The following CCDC171 variants were observed in gnomAD, a reference collection of about 807,000 sequenced individuals.
The protein encoded by CCDC171 is coiled-coil domain-containing protein 171.
A neutral mutation model predicts 168.2 loss-of-function variants in CCDC171; 177 were observed. The observed-to-expected ratio is 1.05, with a 90% confidence interval of 0.93 to 1.19. The LOEUF is 1.19. Among genes scored for constraint, CCDC171 ranks in the 50% most tolerant of loss-of-function variants. The pLI, the probability that CCDC171 is intolerant of heterozygous loss-of-function variation, is 0.00. For synonymous variants in CCDC171, 687 were observed against 540.8 expected (o/e 1.27, Z -3.75); for missense variants, 1,991 against 1,539.0 (o/e 1.29, Z -4.91).
chr9:15,883,774 A>G (rs1819024393), intron 24 of CCDC171, among the ~76,000 whole-genome samples: 1 of 152,248 alleles, frequency 6.6e-6, no homozygotes, highest in South Asian at 2.1e-4. Flanking sequence ...AACTGAGATT[A>G]AGGAAAATCT....
intron 18 of CCDC171, among the ~76,000 whole-genome samples, chr9:15,752,959 G>C (rs2055856067): frequency 1.3e-5 from 2 of 151,896 alleles, no homozygotes; most frequent in South Asian, 4.1e-4. Context: ...AAGTAGATTG[G>C]TTTCTTAAGC....
At chr9:15,943,396 T>C (rs1378251874) in intron 25 of CCDC171, among the ~76,000 whole-genome samples, 1 of 152,050 alleles carries the variant, frequency 6.6e-6, no homozygotes, top group African/African-American at 2.4e-5. Flanking sequence ...CTTTTATTTC[T>C]GCAAATGGTG....
At chr9:15,806,076 C>A (rs2059061730) in intron 21 of CCDC171, among the ~76,000 whole-genome samples, 1 of 152,018 alleles carries the variant, frequency 6.6e-6, no homozygotes, top group African/African-American at 2.4e-5. Context: ...TTCTGTTTTG[C>A]ATTTGCTTGG....
intron 7 of CCDC171, among the ~76,000 whole-genome samples, chr9:15,654,328 C>T (rs1386068655): frequency 1.3e-5 from 2 of 152,006 alleles, no homozygotes; most frequent in East Asian, 3.9e-4. Flanking sequence ...TTCATGTTTG[C>T]AAAACACAGA....
At chr9:15,942,464 A>G (rs1827841127) in intron 25 of CCDC171, among the ~76,000 whole-genome samples, 1 of 151,732 alleles carries the variant, frequency 6.6e-6, no homozygotes, top group Admixed American at 6.6e-5. Flanking sequence ...GGAGAAAGGA[A>G]AGGAGAGAAA....
At chr9:15,709,509 A>T (rs1419872281) in intron 11 of CCDC171, among the ~76,000 whole-genome samples, 2 of 152,194 alleles carry the variant, frequency 1.3e-5, no homozygotes, top group South Asian at 2.1e-4. Context: ...CGTCTTTCTA[A>T]GGCAAAAACT....
chr9:15,945,107 C>T (rs1212568830), intron 25 of CCDC171, among the ~76,000 whole-genome samples: 4 of 150,468 alleles, frequency 2.7e-5, no homozygotes, highest in East Asian at 2.0e-4. Context: ...TCAATTCCCA[C>T]CTATGAGTGA....
At chr9:15,728,090 C>G in intron 15 of CCDC171, 54 bp downstream of exon 15, 2 of 1,381,342 alleles carry the variant, frequency 1.4e-6, no homozygotes, top group Non-Finnish European at 2.0e-6. Context: ...CATTTGTCCA[C>G]ATCACAGTAT....
chr9:15,598,786 G>C lies in CCDC171; in HGVS notation c.675+4614G>C, dbSNP rs1432304800. On this transcript the variant is annotated intron_variant, in intron 6 of 25. Coordinates refer to ENST00000380701, the MANE Select transcript of CCDC171 (RefSeq NM_173550.4). Reference sequence around the variant, plus strand: ...CCATTATTATTGTGTGGGAGTCTAAGTCCTTTTGTAGGTCTCTAAGGACTT... The same window carrying C: ...CCATTATTATTGTGTGGGAGTCTAACTCCTTTTGTAGGTCTCTAAGGACTT... Among the ~76,000 whole-genome samples, 6 of 152,150 alleles carry C rather than the reference G, an allele frequency of 3.9e-5. No homozygotes were observed. The South Asian group carries it at 8.3e-4, about 21-fold the overall frequency.
chr9:15,671,097 C>T (rs578125252), intron 9 of CCDC171, among the ~76,000 whole-genome samples: 2 of 152,052 alleles, frequency 1.3e-5, no homozygotes, highest in Admixed American at 1.3e-4. Context: ...GTCTAAAAAC[C>T]AAAACAAAAC....
chr9:15,739,534 T>G (rs921957461), intron 16 of CCDC171, among the ~76,000 whole-genome samples: 3 of 152,208 alleles, frequency 2.0e-5, no homozygotes, highest in Non-Finnish European at 2.9e-5. Context: ...TCAGTAAAAC[T>G]GTGCCAACCT....
intron 6 of CCDC171, among the ~76,000 whole-genome samples, chr9:15,610,310 A>G (rs1051453142): frequency 2.7e-5 from 4 of 150,786 alleles, no homozygotes; most frequent in Non-Finnish European, 5.9e-5. Context: ...ACTGCAGCTT[A>G]AACCTCCTGG....
chr9:15,784,379 CT>C (rs1482438797), intron 20 of CCDC171, 129 bp from the exon 21 acceptor site: 14 of 501,176 alleles, frequency 2.8e-5, no homozygotes, highest in Non-Finnish European at 4.7e-5. Flanking sequence ...TTAAGAAAAG[CT>C]AATTGTATTT....
intron 18 of CCDC171, among the ~76,000 whole-genome samples, chr9:15,776,977 A>G (rs935887525): frequency 6.6e-6 from 1 of 152,238 alleles, no homozygotes; most frequent in Non-Finnish European, 1.5e-5. Flanking sequence ...TGGCTTTATT[A>G]AGGCGTAAAT....
chr9:15,636,776 T>G (rs2046232565), intron 7 of CCDC171, among the ~76,000 whole-genome samples: 1 of 146,900 alleles, frequency 6.8e-6, no homozygotes, highest in South Asian at 2.1e-4. Flanking sequence ...AAAAAAGGTT[T>G]AGGATAGAGT....
At chr9:16,007,131 C>G (rs1415155533) in intron 3 of CCDC171, among the ~76,000 whole-genome samples, 10 of 152,266 alleles carry the variant, frequency 6.6e-5, no homozygotes, top group South Asian at 2.1e-4. Flanking sequence ...TTTCTAACTG[C>G]TATGAGATGG....
chr9:15,817,654 C>T (rs2059611796), intron 21 of CCDC171, among the ~76,000 whole-genome samples: 1 of 118,474 alleles, frequency 8.4e-6, no homozygotes, highest in Non-Finnish European at 1.9e-5. Context: ...GGGAGGGGCG[C>T]CTGCCATTGC....
chr9:15,569,611 C>G (rs938974316), intron 2 of CCDC171, among the ~76,000 whole-genome samples: 19 of 151,742 alleles, frequency 1.3e-4, no homozygotes, highest in African/African-American at 3.9e-4. Flanking sequence ...GTCAGGAGAT[C>G]GAGACCATCC....
At chr9:15,838,334 T>C (rs1179262374) in intron 21 of CCDC171, among the ~76,000 whole-genome samples, 3 of 152,216 alleles carry the variant, frequency 2.0e-5, no homozygotes, top group Non-Finnish European at 4.4e-5. Flanking sequence ...GTTAGAATTC[T>C]TCTGAAGGTT....
Sources: allele counts gnomAD v4.1 joint callset (sites outside exome capture counted in the v4.1 genomes callset), GRCh38; gene constraint gnomAD v4.1.1; transcripts MANE v1.5; gene names NCBI Gene and HGNC (gene_info 2026-07-23, HGNC 2026-07-21).